RRM2: variants seen among roughly 807,000 people sequenced by gnomAD.
The protein encoded by RRM2 is ribonucleotide reductase regulatory subunit M2.
A neutral mutation model predicts 45.9 loss-of-function variants in RRM2; 6 were observed. That is an observed-to-expected ratio of 0.13 (90% CI 0.07 to 0.26). The LOEUF (loss-of-function observed/expected upper bound fraction) is 0.26. Ranked by LOEUF, RRM2 falls within the 10% of genes least tolerant of loss-of-function variation. RRM2 has a pLI of 1.00. For missense variants in RRM2, 343 were observed against 489.5 expected (o/e 0.70, Z 2.82); for synonymous variants, 177 against 173.0 (o/e 1.02, Z -0.18).
Position 10,123,179 on chromosome 2 carries a change from C to G in RRM2, c.174+122C>G, listed in dbSNP as rs1030701860. 2.3e-6 allele frequency: 3 copies of G among 1,306,142 alleles called. No homozygotes were observed. The African/African-American group carries it at 4.5e-5, about 19-fold the overall frequency. 80.9% of individuals were successfully genotyped at this position (1,306,142 alleles called of 1,614,324 possible). On this transcript the variant is annotated intron_variant, in intron 2 of 9. Coordinates refer to ENST00000304567, the MANE Select transcript of RRM2 (RefSeq NM_001034.4). ...GGCTCCTTTCCCGCCTAGGCGGCCC[C>G]TCCCCAGGGCTGCCTCCCGCGCCCC... is the stretch of plus-strand genomic sequence containing the variant.
At chr2:10,147,871 G>A (rs1663222477) in intron 3 of RRM2, among the ~76,000 whole-genome samples, 2 of 152,162 alleles carry the variant, frequency 1.3e-5, no homozygotes, top group African/African-American at 4.8e-5. Context: ...TAGACCAGGT[G>A]TGGTGGTTCC....
At chr2:10,126,836 T>G in intron 5 of RRM2, 39 bp from the exon 6 acceptor site, 1 of 1,518,688 alleles carries the variant, frequency 6.6e-7, no homozygotes, top group Non-Finnish European at 9.1e-7. Flanking sequence ...GGTCTTTTAC[T>G]GTAATGCTTC....
At chr2:10,131,493 C>T (rs1440553123), downstream of RRM2, 2 of 152,224 alleles carry the variant, frequency 1.3e-5, no homozygotes, top group African/African-American at 4.8e-5. Flanking sequence ...AATCCCAGCA[C>T]TTTGGGAGAC....
At chr2:10,179,726 T>A (rs1364063278) in intron 3 of RRM2, among the ~76,000 whole-genome samples, 9 of 152,194 alleles carry the variant, frequency 5.9e-5, no homozygotes, top group Admixed American at 3.3e-4. Context: ...ACAGTTTCTA[T>A]TGAATGTGTA....
chr2:10,140,451 T>C (rs973558722), upstream of RRM2, among the ~76,000 whole-genome samples: 5 of 152,158 alleles, frequency 3.3e-5, no homozygotes, highest in African/African-American at 7.2e-5. Context: ...AGAAAATGCT[T>C]GATGAGCTCT....
chr2:10,142,268 C>T lies in RRM2; in HGVS notation n.375C>T, dbSNP rs141974256. 378 of 1,451,700 alleles carry T rather than the reference C, an allele frequency of 2.6e-4. 2 individuals carry two copies. The African/African-American group carries it at 3.2e-3, about 12-fold the overall frequency. 89.9% of individuals were successfully genotyped at this position (1,451,700 alleles called of 1,614,324 possible). ...TTCATTTCTAAGGGGATGAGAAGCT[C>T]GGGAAGGTCTGACCAGCCTTACGTC... is the stretch of plus-strand genomic sequence containing the variant. On this transcript the variant is annotated non_coding_transcript_exon_variant, in exon 3 of 4. Transcript: ENST00000381786.
intron 3 of RRM2, among the ~76,000 whole-genome samples, chr2:10,160,244 T>G (rs1663528072): frequency 6.6e-6 from 1 of 152,218 alleles, no homozygotes; most frequent in African/African-American, 2.4e-5. Flanking sequence ...TTCATTTCAC[T>G]GCTCCCCAGC....
chr2:10,180,835 T>C (rs6726676), intron 3 of RRM2, among the ~76,000 whole-genome samples: 124,222 of 151,814 alleles, frequency 0.82, 51,495 homozygotes, highest in East Asian at 1. Flanking sequence ...GGCATGATTA[T>C]GGCTCACTGC....
downstream of RRM2, among the ~76,000 whole-genome samples, chr2:10,135,982 C>T (rs892492766): frequency 2.0e-5 from 3 of 151,938 alleles, no homozygotes; most frequent in Admixed American, 1.3e-4. Context: ...ATTCATTGTC[C>T]TCTGGCCCTA....
intron 3 of RRM2, among the ~76,000 whole-genome samples, chr2:10,153,662 C>T (rs1033816337): frequency 1.3e-5 from 2 of 152,194 alleles, no homozygotes; most frequent in South Asian, 4.1e-4. Context: ...CTCAGCAAGC[C>T]TCACAGCGAT....
intron 3 of RRM2, among the ~76,000 whole-genome samples, chr2:10,157,024 T>TC (rs1401052079): frequency 7.3e-6 from 1 of 136,896 alleles, no homozygotes; most frequent in South Asian, 2.5e-4. Context: ...TTCTTTTTTT[T>TC]TTTTTTTTTT....
At chr2:10,161,902 C>T (rs545112958) in intron 3 of RRM2, among the ~76,000 whole-genome samples, 16 of 152,274 alleles carry the variant, frequency 1.1e-4, no homozygotes, top group Admixed American at 7.8e-4. Context: ...CCCAGTGAGG[C>T]GCTCAAATTA....
intron 3 of RRM2, among the ~76,000 whole-genome samples, chr2:10,158,977 C>T (rs775992462): frequency 7.9e-5 from 12 of 152,212 alleles, no homozygotes; most frequent in Non-Finnish European, 1.0e-4. Flanking sequence ...AACAGTGCCG[C>T]GGGGCTGGCC....
chr2:10,134,832 A>G (rs149593377), downstream of RRM2, among the ~76,000 whole-genome samples: 203 of 152,308 alleles, frequency 1.3e-3, no homozygotes, highest in African/African-American at 4.4e-3. Context: ...GAAAGCATGG[A>G]GAGAGTGGAC....
intron 2 of RRM2, 144 bp downstream of exon 2, chr2:10,123,201 C>A: frequency 7.8e-7 from 1 of 1,274,242 alleles, no homozygotes; most frequent in Non-Finnish European, 1.1e-6. Context: ...GCCTCCCGCG[C>A]CCCTCGGCCC....
In RRM2 at chr2:10,129,417, A is replaced by AT. The variant is rs371603045; in HGVS notation, c.*41dup. 2,093 of 1,474,010 alleles carry AT rather than the reference A, an allele frequency of 1.4e-3. No individual in the cohort carries two copies. The highest frequency in any genetic ancestry group is 2.3e-3 in the South Asian group (174 of 76,652). 91.3% of individuals were successfully genotyped at this position (1,474,010 alleles called of 1,614,324 possible). ...CTGAAGATGTGCCCTTACTTGGCTGATTTTTTTTTTCCATCTCATAAGAAA... is the reference window on the plus strand; with the variant it reads ...CTGAAGATGTGCCCTTACTTGGCTGATTTTTTTTTTTCCATCTCATAAGAAA... On this transcript the variant is annotated 3_prime_UTR_variant, in exon 10 of 10. Coordinates refer to ENST00000304567, the MANE Select transcript of RRM2 (RefSeq NM_001034.4). This position sits in a 1 kb window ranked among gnomAD's most constrained non-coding sequence, Gnocchi z 4.8.
intron 3 of RRM2, among the ~76,000 whole-genome samples, chr2:10,164,338 A>T (rs1286492972): frequency 6.6e-6 from 1 of 152,178 alleles, no homozygotes; most frequent in Non-Finnish European, 1.5e-5. Context: ...AGATCATATC[A>T]TCTATCCACA....
intron 3 of RRM2, among the ~76,000 whole-genome samples, chr2:10,186,775 C>G (rs1664176917): frequency 6.6e-6 from 1 of 152,260 alleles, no homozygotes; most frequent in Admixed American, 6.5e-5. Context: ...CCACCCCTGC[C>G]TGAAGCAGGG....
In RRM2 at chr2:10,200,306, C is replaced by T. The variant is rs55776542; in HGVS notation, n.483-10005C>T. 1.6e-3 allele frequency among the ~76,000 whole-genome samples: 239 copies of T among 152,308 alleles called. 1 individual carries two copies. The highest frequency in any genetic ancestry group is 6.8e-3 in the Middle Eastern group (2 of 294). Reference sequence around the variant, plus strand: ...ATACCTGTGAGTTGGGTGAATTCTTCCACTCTTGAGGCTCCAAGATAACCT... The same window carrying T: ...ATACCTGTGAGTTGGGTGAATTCTTTCACTCTTGAGGCTCCAAGATAACCT... On this transcript the variant is annotated intron_variant and non_coding_transcript_variant, in intron 3 of 3. Transcript: ENST00000381786.
Sources: allele counts gnomAD v4.1 joint callset (sites outside exome capture counted in the v4.1 genomes callset), GRCh38; gene constraint gnomAD v4.1.1; non-coding constraint Gnocchi (gnomAD v3.1); transcripts MANE v1.5; gene names NCBI Gene and HGNC (gene_info 2026-07-23, HGNC 2026-07-21).